Variants in SIGLEC8 observed in about 807,000 individuals in gnomAD.
SIGLEC8 encodes sialic acid binding Ig like lectin 8.
A neutral mutation model predicts 42.1 loss-of-function variants in SIGLEC8; 32 were observed. The ratio of observed to expected loss-of-function variants is 0.76; its 90% CI spans 0.57 to 1.02. SIGLEC8 has a LOEUF of 1.02. Ranked by LOEUF, SIGLEC8 falls within the 50% of genes least tolerant of loss-of-function variation. The pLI, the probability that SIGLEC8 is intolerant of heterozygous loss-of-function variation, is 0.00. For synonymous variants in SIGLEC8, 262 were observed against 260.3 expected (o/e 1.01, Z -0.06); for missense variants, 611 against 610.2 (o/e 1.00, Z -0.01).
chr19:51,455,776 G>A (rs1989476622), intron 3 of SIGLEC8, 89 bp from the exon 4 acceptor site: 1 of 1,216,238 alleles, frequency 8.2e-7, no homozygotes, highest in Non-Finnish European at 1.2e-6. Context: ...ACATGCACAT[G>A]TATGTTTATT....
chr19:51,457,790 C>T, intron 1 of SIGLEC8, 51 bp from the exon 2 acceptor site: 2 of 1,554,410 alleles, frequency 1.3e-6, no homozygotes, highest in Non-Finnish European at 8.7e-7. Context: ...AGGTGCAGCC[C>T]TGGAGGAAGC....
In SIGLEC8 at chr19:51,457,523, C is replaced by T; in HGVS notation, c.671G>A (p.Cys224Tyr). 2 of 1,614,052 alleles carry T rather than the reference C, an allele frequency of 1.2e-6. No individual in the cohort carries two copies. The highest frequency in any genetic ancestry group is 1.7e-6 in the Non-Finnish European group (2 of 1,180,032). ...KPQDHGTSLT[C>Y]QVTLPGTGVT... ...ACCTGTCCCAGGCAAGGTCACCTGA[C>T]AGGTGAGGCTGGTGCCGTGGTCCTG... Residue 224 changes from cysteine (C) to tyrosine (Y), a missense_variant, in exon 2 of 7, where the codon TGT becomes TAT. Cys to Tyr is a radical substitution (Grantham distance 194). Coordinates refer to ENST00000321424, the MANE Select transcript of SIGLEC8 (RefSeq NM_014442.3).
Position 51,454,628 on chromosome 19 carries a change from G to A in SIGLEC8, c.1148+56C>T. On this transcript the variant is annotated intron_variant, in intron 5 of 6. Coordinates refer to ENST00000321424, the MANE Select transcript of SIGLEC8 (RefSeq NM_014442.3). This position sits in a 1 kb window ranked among gnomAD's most constrained non-coding sequence, Gnocchi z 4.7. The stretch of plus-strand genomic sequence containing the variant: ...TTCCAGCTCTGGCTTCAGGGATTCT[G>A]TTCCCGGTCTGCCCTGCCCCAGGTC... 2 of 1,440,572 alleles carry A rather than the reference G, an allele frequency of 1.4e-6. No homozygotes were observed. The highest frequency in any genetic ancestry group is 1.9e-4 in the Middle Eastern group (1 of 5,220). The allele number at this position is 1,440,572 out of a possible 1,614,324, so 89.2% of individuals were successfully genotyped here. A position where few individuals can be genotyped will look rare whatever the true frequency, so the allele number is the denominator to read the frequency against.
intron 6 of SIGLEC8, chr19:51,453,757 G>T: frequency 2.0e-6 from 2 of 984,522 alleles, no homozygotes; most frequent in Non-Finnish European, 2.4e-6. Context: ...CGGGCAAAAC[G>T]AGAGTAAATG....
chr19:51,454,267 C>T lies in SIGLEC8; in HGVS notation c.1197G>A (p.Gly399=). The T allele has an allele frequency of 3.1e-6, 5 of 1,614,048 alleles. No homozygotes were observed. Among genetic ancestry groups the T allele is most frequent in the African/African-American group, 1.3e-5 (1 of 75,012 alleles). ...CCTTTGCATCTTCCATGCCTGTATC[C>T]CCCACGCCCGCTGCTGGCCTTGCCG... ...KKSARPAAGV[G]DTGMEDAKAI... The change falls in exon 6 of 7, where the codon GGG becomes GGA. Residue 399 remains glycine, a synonymous_variant. Coordinates refer to ENST00000321424, the MANE Select transcript of SIGLEC8 (RefSeq NM_014442.3). The surrounding 1 kb of genome is among the most constrained non-coding windows in gnomAD (Gnocchi z 4.7).
At chr19:51,452,911 G>A (rs1187827192) in intron 6 of SIGLEC8, among the ~76,000 whole-genome samples, 3 of 152,014 alleles carry the variant, frequency 2.0e-5, no homozygotes, top group African/African-American at 4.8e-5. Context: ...TCAGCACTGC[G>A]CCCAAAGTCC....
In SIGLEC8 at chr19:51,457,638, G is replaced by C; in HGVS notation, c.556C>G (p.Pro186Ala). 1 of 1,611,962 alleles carries C rather than the reference G, an allele frequency of 6.2e-7. No homozygotes were observed. The change falls in exon 2 of 7, where the codon CCC (proline) becomes GCC (alanine). Residue 186 changes from proline to alanine, a missense_variant. Transcript: ENST00000321424. ...SVPWACKQGT[P>A]PMISWIGASV... ...GCCCCAATCCAGGAGATCATGGGGG[G>C]TGTCCCCTGCTTACAGGCCCAGGGC...
rs1334410943 is a variant in SIGLEC8, at chr19:51,455,442, G to A, written c.1027C>T (p.Leu343Phe). The change falls in exon 4 of 7, where the codon CTC becomes TTC. Residue 343 changes from leucine to phenylalanine, a missense_variant. Leu to Phe is a conservative substitution (Grantham distance 22, BLOSUM62 0). Transcript: ENST00000321424. ...CCTGTGCCCTCATTCTGCAGGGAGA[G>A]GCTCAGGGAAATGTGCTGGGAGCCC... The part of the protein sequence containing the change: ...AQGSQHISLS[L>F]SLQNEGTGTS... 6.2e-7 allele frequency: 1 copy of A among 1,614,050 alleles called. No homozygotes were observed. Among genetic ancestry groups the A allele is most frequent in the Non-Finnish European group, 8.5e-7 (1 of 1,179,972 alleles).
At position 51,455,573 on chromosome 19, in the gene SIGLEC8, C is replaced by A. The variant is rs1490169675; in HGVS notation, c.896G>T (p.Ser299Ile). The change falls in exon 4 of 7, where the codon AGC becomes ATC. Residue 299 changes from serine (S) to isoleucine (I), a missense_variant. Transcript: ENST00000321424. Reference protein sequence around the residue: ...PPARLSWTRGSLTLCPSRSSN... With the variant: ...PPARLSWTRGILTLCPSRSSN... ...GGACCGTGAGGGGCACAGGGTCAGG[C>A]TCCCCCGGGTCCAGCTCAGCCTGGC... 14 of 1,614,018 alleles carry A rather than the reference C, an allele frequency of 8.7e-6. No homozygotes were observed. The highest frequency in any genetic ancestry group is 1.7e-5 in the Admixed American group (1 of 59,996).
chr19:51,452,355 TAGA>T lies in SIGLEC8; in HGVS notation c.*21_*23del. On this transcript the variant is annotated 3_prime_UTR_variant, in exon 7 of 7. Transcript: ENST00000321424. ...TGACCTACTGCATAGCATGGGGCTC[TAGA>T]GGGTTCTTGTTCTATGAGAATCAGC... The T allele has an allele frequency of 6.3e-7, 1 of 1,578,692 alleles. No homozygotes were observed. Among genetic ancestry groups the T allele is most frequent in the Non-Finnish European group, 8.7e-7 (1 of 1,152,752 alleles).
chr19:51,452,894 G>T (rs944368445), intron 6 of SIGLEC8, among the ~76,000 whole-genome samples: 2 of 152,054 alleles, frequency 1.3e-5, no homozygotes, highest in Non-Finnish European at 2.9e-5. Context: ...AACTGAGGTC[G>T]AAACAGTCAG....
Position 51,452,265 on chromosome 19 carries a change from C to T in SIGLEC8, c.*114G>A. The T allele has an allele frequency of 1.1e-6, 1 of 877,290 alleles. No homozygotes were observed. Among genetic ancestry groups the T allele is most frequent in the East Asian group, 2.6e-5 (1 of 38,688 alleles). 54.3% of individuals were successfully genotyped at this position (877,290 alleles called of 1,614,324 possible). A position where few individuals can be genotyped will look rare whatever the true frequency, so the allele number is the denominator to read the frequency against. ...AGAAGCTAGAGGCAGGGATGGGTCCCTGGTAGCCGGGGAAAGGGGAGACAT... is the reference window on the plus strand; with the variant it reads ...AGAAGCTAGAGGCAGGGATGGGTCCTTGGTAGCCGGGGAAAGGGGAGACAT... On this transcript the variant is annotated 3_prime_UTR_variant, in exon 7 of 7. Coordinates refer to ENST00000321424, the MANE Select transcript of SIGLEC8 (RefSeq NM_014442.3).
At chr19:51,455,195 G>A (rs749933685) in intron 4 of SIGLEC8, among the ~76,000 whole-genome samples, 8 of 152,020 alleles carry the variant, frequency 5.3e-5, no homozygotes, top group African/African-American at 9.7e-5. Context: ...ACACCTGGCC[G>A]GGCCCCAGCT....
chr19:51,453,372 T>C, intron 6 of SIGLEC8: 12 of 984,962 alleles, frequency 1.2e-5, no homozygotes, highest in Non-Finnish European at 1.4e-5. Context: ...CAGTCTTTAA[T>C]TGAGGGAGGT....
In SIGLEC8 at chr19:51,455,646, C is replaced by T. The variant is rs1248085791; in HGVS notation, c.823G>A (p.Glu275Lys). 2 of 1,613,764 alleles carry T rather than the reference C, an allele frequency of 1.2e-6. No individual in the cohort carries two copies. Among genetic ancestry groups the T allele is most frequent in the South Asian group, 1.1e-5 (1 of 90,986 alleles). Residue 275 changes from glutamate to lysine, a missense_variant, in exon 4 of 7, where the codon GAG becomes AAG. Coordinates refer to ENST00000321424, the MANE Select transcript of SIGLEC8 (RefSeq NM_014442.3). ...LGNGSSLSVL[E>K]GQSLRLVCAV... ...CAGACCAGGCGCAGAGACTGGCCCT[C>T]AAGGACTGAAAGAGATGAGCCATTT...
At chr19:51,453,215 A>G (rs925062029) in intron 6 of SIGLEC8, among the ~76,000 whole-genome samples, 3 of 151,876 alleles carry the variant, frequency 2.0e-5, no homozygotes, top group Non-Finnish European at 4.4e-5. Context: ...CAGCCCCCCA[A>G]GTAGCTGGGA....
intron 3 of SIGLEC8, 73 bp downstream of exon 3, chr19:51,457,111 T>G (rs192358712): frequency 7.5e-6 from 10 of 1,330,508 alleles, no homozygotes; most frequent in Admixed American, 3.4e-5. Flanking sequence ...GATTCCAGGA[T>G]GAGGAGAGAC....
At chr19:51,452,731 C>A in intron 6 of SIGLEC8, 98 bp from the exon 7 acceptor site, 2 of 1,135,018 alleles carry the variant, frequency 1.8e-6, no homozygotes, top group Non-Finnish European at 2.3e-6. Flanking sequence ...GTCCTCCATT[C>A]ATCCCACCTG....
At chr19:51,456,032 A>G (rs1989484208) in intron 3 of SIGLEC8, among the ~76,000 whole-genome samples, 1 of 141,392 alleles carries the variant, frequency 7.1e-6, no homozygotes. Context: ...CAATGAGAAC[A>G]CATGGACACA....
Sources: gnomAD v4.1 joint callset for allele counts (sites outside exome capture counted in the v4.1 genomes callset) on GRCh38, gnomAD v4.1.1 for gene constraint, Gnocchi (gnomAD v3.1) non-coding constraint, MANE v1.5 for transcripts, NCBI Gene and HGNC (gene_info 2026-07-23, HGNC 2026-07-21) for gene names.